MITF: variants seen among roughly 807,000 people sequenced by gnomAD.
MITF encodes the protein melanocyte inducing transcription factor.
MITF carries 17 observed loss-of-function variants against 60.5 expected under a neutral mutation model. That is an observed-to-expected ratio of 0.28 (90% confidence interval 0.19 to 0.42). MITF has a LOEUF of 0.42. Among genes scored for constraint, MITF ranks in the 10% least tolerant of loss-of-function variants. The pLI, the probability that MITF is intolerant of heterozygous loss-of-function variation, is 1.00. For synonymous variants in MITF, 260 were observed against 248.5 expected, an observed-to-expected ratio of 1.05 and a Z score of -0.43; for missense variants, 622 against 683.5, an observed-to-expected ratio of 0.91 and a Z score of 1.00.
At chr3:69,819,643 A>C (rs947107858) in intron 1 of MITF, among the ~76,000 whole-genome samples, 1 of 150,536 alleles carries the variant, frequency 6.6e-6, no homozygotes, top group African/African-American at 2.4e-5. Context: ...CAAAACAAAC[A>C]AACAAACAAA....
chr3:69,899,548 A>G (rs768948547), intron 2 of MITF, among the ~76,000 whole-genome samples: 7 of 152,180 alleles, frequency 4.6e-5, no homozygotes, highest in Non-Finnish European at 1.0e-4. Context: ...CTGAACCAAC[A>G]TGGGTACATG....
chr3:69,905,363 G>GT (rs1187966175), intron 2 of MITF, among the ~76,000 whole-genome samples: 2 of 150,204 alleles, frequency 1.3e-5, no homozygotes, highest in Admixed American at 1.3e-4. Context: ...GCAGACCACA[G>GT]TTTTTTTTAT....
chr3:69,799,305 A>C (rs2062879653), intron 1 of MITF, among the ~76,000 whole-genome samples: 1 of 152,180 alleles, frequency 6.6e-6, no homozygotes, highest in South Asian at 2.1e-4. Flanking sequence ...TAAATGAAGA[A>C]ATGCAGGGAG....
At chr3:69,763,620 A>G (rs749681324) in intron 1 of MITF, 2 of 1,218,378 alleles carry the variant, frequency 1.6e-6, no homozygotes, top group Middle Eastern at 2.4e-4. Flanking sequence ...CTGCAATCGC[A>G]TCTTTGTAAT....
At chr3:69,945,285 C>T (rs2066067447) in intron 5 of MITF, among the ~76,000 whole-genome samples, 1 of 152,178 alleles carries the variant, frequency 6.6e-6, no homozygotes, top group South Asian at 2.1e-4. Flanking sequence ...GACCCAGGCG[C>T]ATCTTCCTTC....
chr3:69,953,057 G>A (rs369900240), intron 7 of MITF, among the ~76,000 whole-genome samples: 150 of 152,184 alleles, frequency 9.9e-4, no homozygotes, highest in Non-Finnish European at 1.8e-3. Flanking sequence ...GAACTGAGAG[G>A]CACAACTTCT....
intron 2 of MITF, among the ~76,000 whole-genome samples, chr3:69,899,850 A>C (rs1292977572): frequency 1.3e-5 from 2 of 152,124 alleles, no homozygotes; most frequent in East Asian, 1.9e-4. Context: ...TTCTGAGATA[A>C]ATGATTTCAA....
At chr3:69,760,456 C>A (rs1372036765) in intron 1 of MITF, among the ~76,000 whole-genome samples, 10 of 152,300 alleles carry the variant, frequency 6.6e-5, no homozygotes, top group African/African-American at 2.4e-4. Context: ...AGGGCTAACC[C>A]ATAGACATGC....
intron 6 of MITF, 99 bp from the exon 7 acceptor site, chr3:69,951,709 TCAAA>T: frequency 1.2e-6 from 1 of 863,294 alleles, no homozygotes; most frequent in East Asian, 2.6e-5. Context: ...TAGAGTCAAG[TCAAA>T]TAAGCTTCTG....
chr3:69,881,067 T>C, intron 2 of MITF, among the ~76,000 whole-genome samples: 1 of 152,108 alleles, frequency 6.6e-6, no homozygotes, highest in East Asian at 1.9e-4. Context: ...ACTGTAAATA[T>C]ATTATTTTTG....
At position 69,792,345 on chromosome 3, in the gene MITF, A is replaced by T. The variant is rs77762108; in HGVS notation, c.104+52644A>T. ...TGGTAAAAATAGGAACAACAGATTCAAGTTTTCCTATGTGCTGTTACAGTG... is the reference window on the plus strand; with the variant it reads ...TGGTAAAAATAGGAACAACAGATTCTAGTTTTCCTATGTGCTGTTACAGTG... On this transcript the variant is annotated intron_variant, in intron 1 of 9. Transcript: ENST00000352241. Among the ~76,000 whole-genome samples the T allele has an allele frequency of 5.5e-4, 83 of 152,270 alleles. No homozygotes were observed. The East Asian group carries it at 0.014, about 25-fold the overall frequency.
intron 1 of MITF, among the ~76,000 whole-genome samples, chr3:69,808,413 C>T (rs2063045670): frequency 6.6e-6 from 1 of 152,118 alleles, no homozygotes; most frequent in African/African-American, 2.4e-5. Context: ...TACATATTCT[C>T]TGTCATGGGG....
chr3:69,959,570 C>A, intron 9 of MITF, 150 bp downstream of exon 9: 1 of 1,070,328 alleles, frequency 9.3e-7, no homozygotes, highest in Non-Finnish European at 1.4e-6. Context: ...TGTGAATTTG[C>A]CTACTTGTAA....
At chr3:69,864,626 G>A (rs943879961) in intron 1 of MITF, among the ~76,000 whole-genome samples, 2 of 152,138 alleles carry the variant, frequency 1.3e-5, no homozygotes, top group African/African-American at 2.4e-5. Flanking sequence ...TGAGCTCATC[G>A]TTCCCCTGCT....
chr3:69,764,845 G>A (rs987800338), intron 1 of MITF, among the ~76,000 whole-genome samples: 1 of 152,184 alleles, frequency 6.6e-6, no homozygotes, highest in Non-Finnish European at 1.5e-5. Flanking sequence ...TTTAGGATCT[G>A]TGTTATTTGT....
intron 1 of MITF, among the ~76,000 whole-genome samples, chr3:69,780,049 G>A (rs1243272908): frequency 2.0e-5 from 3 of 152,174 alleles, no homozygotes; most frequent in Non-Finnish European, 4.4e-5. Context: ...AAGAGAAGCT[G>A]ATGCTCTGTG....
chr3:69,820,276 G>T (rs944122967), intron 1 of MITF, among the ~76,000 whole-genome samples: 1 of 152,046 alleles, frequency 6.6e-6, no homozygotes, highest in Admixed American at 6.5e-5. Flanking sequence ...GGCTCATTTT[G>T]TATTTCTATT....
At chr3:69,774,723 G>T (rs1322799929) in intron 1 of MITF, among the ~76,000 whole-genome samples, 1 of 152,090 alleles carries the variant, frequency 6.6e-6, no homozygotes, top group Non-Finnish European at 1.5e-5. Flanking sequence ...TGTATGTTGG[G>T]GTGTGGGGTG....
chr3:69,892,798 A>G (rs1465734266), intron 2 of MITF, among the ~76,000 whole-genome samples: 3 of 152,150 alleles, frequency 2.0e-5, no homozygotes, highest in African/African-American at 4.8e-5. Flanking sequence ...TCTGACATCA[A>G]AGGTCTTTCT....
Sources: allele counts gnomAD v4.1 joint callset (sites outside exome capture counted in the v4.1 genomes callset), GRCh38; gene constraint gnomAD v4.1.1; transcripts MANE v1.5; gene names NCBI Gene and HGNC (gene_info 2026-07-23, HGNC 2026-07-21).